The following CSMD1 variants were observed in gnomAD, a reference collection of about 807,000 sequenced individuals.
The protein encoded by CSMD1 is CUB and Sushi multiple domains 1.
A neutral mutation model predicts 417.5 loss-of-function variants in CSMD1; 213 were observed. That is an observed-to-expected ratio of 0.51 (90% confidence interval 0.46 to 0.57). The LOEUF (loss-of-function observed/expected upper bound fraction) is 0.57. CSMD1 is among the 20% of genes least tolerant of loss of function. CSMD1 has a pLI of 0.00. For missense variants in CSMD1, 6,923 were observed against 4,529.7 expected, an observed-to-expected ratio of 1.53 and a Z score of -15.17; for synonymous variants, 2,862 against 1,736.8, an observed-to-expected ratio of 1.65 and a Z score of -16.11.
chr8:3,095,970 T>A (rs1286770489), intron 47 of CSMD1, among the ~76,000 whole-genome samples: 1 of 152,182 alleles, frequency 6.6e-6, no homozygotes, highest in African/African-American at 2.4e-5. Flanking sequence ...CTTGAAAAAC[T>A]CCTGTAGCAT....
intron 1 of CSMD1, among the ~76,000 whole-genome samples, chr8:4,973,758 A>T (rs1810380056): frequency 6.6e-6 from 1 of 152,134 alleles, no homozygotes. Context: ...TTTTTTATTC[A>T]CCCAAAGATG....
chr8:3,671,172 T>C lies in CSMD1; in HGVS notation c.1009+37242A>G, dbSNP rs902089093. On this transcript the variant is annotated intron_variant, in intron 7 of 69. Coordinates refer to ENST00000635120, the MANE Select transcript of CSMD1 (RefSeq NM_033225.6). ...ATGGGATATATATGTATATGAGATA[T>C]ATATGTATATGGTATATATAGGTAT... 4.1e-5 allele frequency among the ~76,000 whole-genome samples: 6 copies of C among 148,042 alleles called. No individual in the cohort carries two copies. In the East Asian group the frequency reaches 7.9e-4, roughly 20 times the overall value.
intron 3 of CSMD1, among the ~76,000 whole-genome samples, chr8:4,115,991 TA>T (rs1802118131): frequency 6.7e-6 from 1 of 149,228 alleles, no homozygotes; most frequent in African/African-American, 2.5e-5. Context: ...TTTATTTATT[TA>T]TTTATTTATT....
Position 4,293,713 on chromosome 8 carries a change from TA to T in CSMD1, c.415+126239del, listed in dbSNP as rs1245771211. Reference sequence around the variant, plus strand: ...TTACTTAGAATTGCATTCCATACTTTAAAAAAGATGCTTTAGACATATTAAA... The same window carrying T: ...TTACTTAGAATTGCATTCCATACTTTAAAAAGATGCTTTAGACATATTAAA... On this transcript the variant is annotated intron_variant, in intron 3 of 69. Transcript: ENST00000635120. Among the ~76,000 whole-genome samples the T allele has an allele frequency of 1.1e-4, 17 of 152,344 alleles. No homozygotes were observed. In the South Asian group the frequency reaches 3.1e-3, roughly 28 times the overall value.
intron 7 of CSMD1, among the ~76,000 whole-genome samples, chr8:3,652,245 C>T (rs371127405): frequency 2.0e-5 from 3 of 152,008 alleles, no homozygotes; most frequent in African/African-American, 2.4e-5. Flanking sequence ...CGCCTACCAA[C>T]GTCATTGCAC....
intron 3 of CSMD1, among the ~76,000 whole-genome samples, chr8:4,166,200 G>A (rs531855288): frequency 6.6e-6 from 1 of 152,006 alleles, no homozygotes; most frequent in Non-Finnish European, 1.5e-5. Context: ...AAAATAGTCA[G>A]TTTTATGACA....
chr8:4,561,996 T>C (rs1272957084), intron 2 of CSMD1, among the ~76,000 whole-genome samples: 4 of 152,246 alleles, frequency 2.6e-5, no homozygotes, highest in African/African-American at 9.6e-5. Flanking sequence ...AAGGAAGCTT[T>C]AAAATCACAG....
At chr8:4,625,804 ATC>A (rs1802070771) in intron 2 of CSMD1, among the ~76,000 whole-genome samples, 1 of 151,958 alleles carries the variant, frequency 6.6e-6, no homozygotes, top group Non-Finnish European at 1.5e-5. Context: ...GCTCATTCCA[ATC>A]TCTGCCTCCC....
At chr8:3,659,445 C>T (rs777827418) in intron 7 of CSMD1, among the ~76,000 whole-genome samples, 1 of 152,178 alleles carries the variant, frequency 6.6e-6, no homozygotes, top group African/African-American at 2.4e-5. Context: ...TGAGACACTA[C>T]TTAGTTTTCA....
intron 5 of CSMD1, among the ~76,000 whole-genome samples, chr8:3,758,488 T>C (rs1352693862): frequency 6.6e-6 from 1 of 152,214 alleles, no homozygotes; most frequent in Non-Finnish European, 1.5e-5. Context: ...AACTGTGTTG[T>C]TATTCTATCG....
At position 3,163,988 on chromosome 8, in the gene CSMD1, G is replaced by A. The variant is rs148615765; in HGVS notation, c.5726-1711C>T. 2.7e-3 allele frequency among the ~76,000 whole-genome samples: 410 copies of A among 152,290 alleles called. 2 individuals are homozygous for A. The highest frequency in any genetic ancestry group is 9.2e-3 in the African/African-American group (383 of 41,540). ...TAACAGTACACTTCCTCCACTGCCT[G>A]GATGATGGAGCCTGTAAGAGATGTG... is the stretch of plus-strand genomic sequence containing the variant. On this transcript the variant is annotated intron_variant, in intron 37 of 69. Transcript: ENST00000635120.
chr8:3,361,635 G>A lies in CSMD1; in HGVS notation c.3116-2295C>T, dbSNP rs1421672434. 2.0e-5 allele frequency among the ~76,000 whole-genome samples: 2 copies of A among 102,408 alleles called. 1 individual carries two copies. Among genetic ancestry groups the A allele is most frequent in the Non-Finnish European group, 3.5e-5 (2 of 56,686 alleles). 67.2% of individuals were successfully genotyped at this position (102,408 alleles called of 152,430 possible). A position where few individuals can be genotyped will look rare whatever the true frequency, so the allele number is the denominator to read the frequency against. ...CCACTGCATTCAAGCCTGGGCAACA[G>A]AGCAAGATTCCATCTCAAAAAAAAA... On this transcript the variant is annotated intron_variant, in intron 20 of 69. Transcript: ENST00000635120.
In CSMD1 at chr8:3,830,997, A is replaced by G. The variant is rs921955474; in HGVS notation, c.819-76955T>C. Reference sequence around the variant, plus strand: ...ACACATGGTCACCTTTTCCTTCACCAAAAAATTTCTGCTTGTTGGCTCTGA... The same window carrying G: ...ACACATGGTCACCTTTTCCTTCACCGAAAAATTTCTGCTTGTTGGCTCTGA... On this transcript the variant is annotated intron_variant, in intron 5 of 69. Coordinates refer to ENST00000635120, the MANE Select transcript of CSMD1 (RefSeq NM_033225.6). 2.6e-5 allele frequency among the ~76,000 whole-genome samples: 4 copies of G among 152,118 alleles called. No individual in the cohort carries two copies. In the South Asian group the frequency reaches 8.3e-4, roughly 32 times the overall value.
At position 3,411,693 on chromosome 8, in the gene CSMD1, C is replaced by CGTGTATAT. The variant is rs1563360890; in HGVS notation, c.1562-2089_1562-2088insATATACAC. Among the ~76,000 whole-genome samples the CGTGTATAT allele has an allele frequency of 1.2e-3, 153 of 128,846 alleles. 4 individuals carry two copies. Among genetic ancestry groups the CGTGTATAT allele is most frequent in the East Asian group, 0.012 (41 of 3,472 alleles). The allele number at this position is 128,846 out of a possible 152,430, so 84.5% of individuals were successfully genotyped here. A position where few individuals can be genotyped will look rare whatever the true frequency, so the allele number is the denominator to read the frequency against. On this transcript the variant is annotated intron_variant, in intron 12 of 69. Transcript: ENST00000635120. Reference sequence around the variant, plus strand: ...ACGTGTATATATACGTGTATATATACACACGTATATATACACGTATATATA... The same window carrying CGTGTATAT: ...ACGTGTATATATACGTGTATATATACGTGTATATACACGTATATATACACGTATATATA...
intron 12 of CSMD1, among the ~76,000 whole-genome samples, chr8:3,439,780 A>C (rs947380048): frequency 6.6e-6 from 1 of 152,138 alleles, no homozygotes; most frequent in Admixed American, 6.5e-5. Flanking sequence ...TAAAACTTTT[A>C]TATGTTTACA....
At chr8:3,161,145 T>A (rs1462890793) in intron 38 of CSMD1, among the ~76,000 whole-genome samples, 2 of 152,204 alleles carry the variant, frequency 1.3e-5, no homozygotes, top group East Asian at 1.9e-4. Context: ...CATGTTTTGA[T>A]TATCAATTTT....
chr8:3,219,243 C>T lies in CSMD1; in HGVS notation c.4672+12G>A, dbSNP rs371950375. The T allele has an allele frequency of 3.2e-6, 5 of 1,575,016 alleles. No individual in the cohort carries two copies. Among genetic ancestry groups the T allele is most frequent in the Non-Finnish European group, 4.3e-6 (5 of 1,158,648 alleles). ...AAATTAATTCCCACTCAAATTCAGG[C>T]AATCGCAATACCTTTAAATTCAATG... is the stretch of plus-strand genomic sequence containing the variant. On this transcript the variant is annotated intron_variant, in intron 29 of 69. Coordinates refer to ENST00000635120, the MANE Select transcript of CSMD1 (RefSeq NM_033225.6).
intron 1 of CSMD1, among the ~76,000 whole-genome samples, chr8:4,910,779 A>T (rs1451080486): frequency 1.3e-5 from 2 of 152,220 alleles, no homozygotes; most frequent in Non-Finnish European, 2.9e-5. Context: ...AGGACCTTAT[A>T]AGGTGGGAAA....
At chr8:4,203,601 G>C (rs910897975) in intron 3 of CSMD1, among the ~76,000 whole-genome samples, 4 of 152,098 alleles carry the variant, frequency 2.6e-5, no homozygotes, top group African/African-American at 7.2e-5. Flanking sequence ...TCAAAGAGCA[G>C]CTGTGGCACT....
Sources: gnomAD v4.1 joint callset for allele counts (sites outside exome capture counted in the v4.1 genomes callset) on GRCh38, gnomAD v4.1.1 for gene constraint, MANE v1.5 for transcripts, NCBI Gene and HGNC (gene_info 2026-07-23, HGNC 2026-07-21) for gene names.